TRPM1: variants seen among roughly 807,000 people sequenced by gnomAD.
TRPM1 encodes the protein transient receptor potential cation channel subfamily M member 1.
A neutral mutation model predicts 149.4 loss-of-function variants in TRPM1; 113 were observed. That is an observed-to-expected ratio of 0.76 (90% CI 0.65 to 0.88). The LOEUF (loss-of-function observed/expected upper bound fraction) is 0.88, where lower values mean the gene tolerates loss of function less well. Among genes scored for constraint, TRPM1 ranks in the 40% least tolerant of loss-of-function variants. The pLI is 0.00. For missense variants in TRPM1, 1,976 were observed against 2,038.7 expected (o/e 0.97, Z 0.59); for synonymous variants, 741 against 759.5 (o/e 0.98, Z 0.40).
chr15:31,069,176 C>T (rs1178506263), intron 4 of TRPM1, among the ~76,000 whole-genome samples: 1 of 152,170 alleles, frequency 6.6e-6, no homozygotes, highest in Non-Finnish European at 1.5e-5. Context: ...GGAATAGGTT[C>T]CAAAGCTGGC....
intron 1 of TRPM1, among the ~76,000 whole-genome samples, chr15:31,087,195 T>C (rs1383016237): frequency 2.0e-5 from 3 of 148,474 alleles, no homozygotes; most frequent in African/African-American, 7.4e-5. Flanking sequence ...CACAGGATTA[T>C]CCTATGATCC....
intron 7 of TRPM1, among the ~76,000 whole-genome samples, chr15:31,063,747 C>T (rs1188355680): frequency 6.6e-6 from 1 of 152,166 alleles, no homozygotes; most frequent in Non-Finnish European, 1.5e-5. Context: ...GCCACTGTGC[C>T]CAGCCCAGTT....
chr15:31,023,962 T>A (rs1364376983), intron 27 of TRPM1, among the ~76,000 whole-genome samples: 1 of 151,850 alleles, frequency 6.6e-6, no homozygotes, highest in Non-Finnish European at 1.5e-5. Flanking sequence ...ATGAATTTGG[T>A]TTCTGCACAG....
intron 1 of TRPM1, among the ~76,000 whole-genome samples, chr15:31,118,528 G>T (rs10467995): frequency 0.42 from 63,866 of 151,850 alleles, 14,130 homozygotes; most frequent in East Asian, 0.73. Context: ...AAACAAGATG[G>T]CTTAGTCAGT....
intron 27 of TRPM1, among the ~76,000 whole-genome samples, chr15:31,005,104 A>AAAATAAAAAAAT (rs1555415390): frequency 7.0e-6 from 1 of 142,758 alleles, no homozygotes; most frequent in Non-Finnish European, 1.5e-5. Context: ...TCCATCTCAA[A>AAAATAAAAAAAT]AAATAAATAA....
Position 31,002,177 on chromosome 15 carries a change from G to A in TRPM1, c.4523C>T (p.Pro1508Leu), listed in dbSNP as rs189308436. The change falls in exon 28 of 28, where the codon CCT becomes CTT. Residue 1508 changes from proline (P) to leucine (L), a missense_variant. This residue lies in a region of TRPM1 where 572 missense variants were observed against 578.9 expected (regional missense o/e 0.99). Transcript: ENST00000256552. The stretch of plus-strand genomic sequence containing the variant: ...CACTGCAGCTTCCGACACAATGTAA[G>A]GAATATCTGTGCTATGAGAGCGCGT... ...KITRSHSTDI[P>L]YIVSEAAVQA... 5.6e-6 allele frequency: 9 copies of A among 1,614,228 alleles called. No homozygotes were observed. Among genetic ancestry groups the A allele is most frequent in the African/African-American group, 2.7e-5 (2 of 75,060 alleles).
chr15:31,059,909 C>T (rs141096472), intron 11 of TRPM1, among the ~76,000 whole-genome samples: 21 of 152,154 alleles, frequency 1.4e-4, no homozygotes, highest in Admixed American at 3.3e-4. Flanking sequence ...CACACACACA[C>T]GCTCATCCCC....
intron 1 of TRPM1, among the ~76,000 whole-genome samples, chr15:31,106,937 C>T (rs997413267): frequency 5.9e-5 from 9 of 152,136 alleles, no homozygotes; most frequent in African/African-American, 1.2e-4. Context: ...CAACAAAATA[C>T]GTTGTTACAC....
intron 20 of TRPM1, 39 bp from the exon 21 acceptor site, chr15:31,035,713 T>G (rs773704469): frequency 1.8e-5 from 29 of 1,613,916 alleles, no homozygotes; most frequent in Non-Finnish European, 5.1e-6. Flanking sequence ...TTTGGGGGAA[T>G]CACATAGCAA....
chr15:31,074,113 A>T (rs946672556), intron 3 of TRPM1, among the ~76,000 whole-genome samples: 1 of 152,092 alleles, frequency 6.6e-6, no homozygotes, highest in Non-Finnish European at 1.5e-5. Flanking sequence ...TATTTTGTTC[A>T]GAATTTCTGC....
At position 31,042,233 on chromosome 15, in the gene TRPM1, G is replaced by C; in HGVS notation, c.1805C>G (p.Pro602Arg). Residue 602 changes from proline (P) to arginine (R), a missense_variant, in exon 17 of 28, where the codon CCT becomes CGT. By Grantham distance (103) the Pro-to-Arg change is moderately radical (BLOSUM62 -2). Around this residue, in one of 3 missense-constraint regions of TRPM1, gnomAD observed 1,332 missense variants for 1,347.1 expected, o/e 0.99. Coordinates refer to ENST00000256552, the MANE Select transcript of TRPM1 (RefSeq NM_001252024.2). ...LKLLGMEDDE[P>R]PAKGKKKKKK... ...TTTCTTTTTCTTCCCTTTAGCTGGA[G>C]GCTCATCATCCTGAGGGGAGAAACA... The C allele has an allele frequency of 6.3e-7, 1 of 1,578,002 alleles. No homozygotes were observed.
intron 1 of TRPM1, among the ~76,000 whole-genome samples, chr15:31,155,567 A>C (rs894510691): frequency 1.3e-5 from 2 of 152,216 alleles, no homozygotes; most frequent in Non-Finnish European, 2.9e-5. Context: ...TTCAAAATTA[A>C]ATTTCAAAAT....
chr15:31,052,696 A>G (rs1478792777), intron 11 of TRPM1, among the ~76,000 whole-genome samples: 2 of 152,150 alleles, frequency 1.3e-5, no homozygotes, highest in Non-Finnish European at 2.9e-5. Flanking sequence ...AATTCCTTGA[A>G]CCCAGGAGGA....
intron 12 of TRPM1, 79 bp from the exon 13 acceptor site, chr15:31,049,588 A>G (rs2033887329): frequency 1.9e-6 from 3 of 1,556,226 alleles, no homozygotes; most frequent in African/African-American, 2.7e-5. Context: ...AACACAGAGG[A>G]AAGGGTATTC....
intron 1 of TRPM1, among the ~76,000 whole-genome samples, chr15:31,113,722 G>A (rs2035751044): frequency 1.3e-5 from 2 of 152,050 alleles, no homozygotes; most frequent in South Asian, 2.1e-4. Flanking sequence ...GTGGATTTCT[G>A]GTCCCACCGC....
chr15:31,161,017 G>T, exon 1 of TRPM1: 2 of 1,507,490 alleles, frequency 1.3e-6, no homozygotes, highest in Non-Finnish European at 1.8e-6. Flanking sequence ...CAGGCCAGTG[G>T]CACAGGGGCT....
At chr15:31,080,838 C>T (rs934723915) in intron 2 of TRPM1, among the ~76,000 whole-genome samples, 6 of 152,072 alleles carry the variant, frequency 3.9e-5, no homozygotes, top group African/African-American at 1.4e-4. Flanking sequence ...TCCAGGAAAC[C>T]TGTGCCAGCA....
intron 1 of TRPM1, among the ~76,000 whole-genome samples, chr15:31,146,305 C>A (rs1343124627): frequency 1.3e-5 from 2 of 152,160 alleles, no homozygotes; most frequent in Non-Finnish European, 2.9e-5. Context: ...GAGAGGAGTG[C>A]TAATAGTTCT....
At chr15:31,094,953 C>G (rs1403059723) in intron 1 of TRPM1, among the ~76,000 whole-genome samples, 1 of 152,178 alleles carries the variant, frequency 6.6e-6, no homozygotes, top group Non-Finnish European at 1.5e-5. Context: ...CAAATGGTGG[C>G]CATAGCTCAC....
Sources: allele counts gnomAD v4.1 joint callset (sites outside exome capture counted in the v4.1 genomes callset), GRCh38; gene constraint gnomAD v4.1.1; regional missense constraint gnomAD v4.1.1; transcripts MANE v1.5; gene names NCBI Gene and HGNC (gene_info 2026-07-23, HGNC 2026-07-21).